ACAD9: variants seen among roughly 807,000 people sequenced by gnomAD.
ACAD9 encodes acyl-CoA dehydrogenase family member 9.
ACAD9 carries 53 observed loss-of-function variants against 70.2 expected under a neutral mutation model. The observed-to-expected ratio is 0.75, with a 90% CI of 0.61 to 0.95. The LOEUF is 0.95. Among genes scored for constraint, ACAD9 ranks in the 40% least tolerant of loss-of-function variants. The pLI is 0.00. For missense variants in ACAD9, 777 were observed against 802.8 expected (o/e 0.97, Z 0.39); for synonymous variants, 313 against 312.1 (o/e 1.00, Z -0.03).
intron 1 of ACAD9, among the ~76,000 whole-genome samples, chr3:128,882,329 T>G (rs899533295): frequency 6.6e-6 from 1 of 152,246 alleles, no homozygotes; most frequent in African/African-American, 2.4e-5. Flanking sequence ...TAATGGTGGC[T>G]CTGTTGTTCC....
At chr3:128,881,766 C>T (rs1935101785) in intron 1 of ACAD9, among the ~76,000 whole-genome samples, 2 of 152,340 alleles carry the variant, frequency 1.3e-5, no homozygotes, top group African/African-American at 4.8e-5. Context: ...TCGCCATTCT[C>T]TGAATGTTCT....
chr3:128,913,108 ACT>A lies in ACAD9; in HGVS notation c.*502_*503del, dbSNP rs922523140. On this transcript the variant is annotated 3_prime_UTR_variant, in exon 18 of 18. Transcript: ENST00000308982. The stretch of plus-strand genomic sequence containing the variant: ...GAATATAAAATGTCACAATCTGTGT[ACT>A]GTTAGCCTTTGCTGTACTTGTCACA... 6.7e-6 allele frequency: 3 copies of A among 448,932 alleles called. No homozygotes were observed. The highest frequency in any genetic ancestry group is 6.0e-5 in the African/African-American group (3 of 49,920). 27.8% of individuals were successfully genotyped at this position (448,932 alleles called of 1,614,324 possible).
chr3:128,896,296 C>A, intron 4 of ACAD9, 140 bp from the exon 5 acceptor site: 1 of 930,384 alleles, frequency 1.1e-6, no homozygotes, highest in Non-Finnish European at 1.7e-6. Flanking sequence ...CTGGGCTCTG[C>A]CTGTGGCCGC....
chr3:128,900,662 T>C (rs16852133), intron 7 of ACAD9, among the ~76,000 whole-genome samples: 7,251 of 152,178 alleles, frequency 0.048, 354 homozygotes, highest in African/African-American at 0.12. Context: ...CATACCCGAC[T>C]GACCCTAAAA....
At chr3:128,897,759 A>G in intron 6 of ACAD9, 49 bp downstream of exon 6, 2 of 1,541,994 alleles carry the variant, frequency 1.3e-6, no homozygotes, top group Admixed American at 1.8e-5. Flanking sequence ...CACAACCTTC[A>G]CTGCCACTGA....
chr3:128,887,644 A>ATATATATACATATATAT (rs1935291126), intron 2 of ACAD9, among the ~76,000 whole-genome samples: 3 of 133,106 alleles, frequency 2.3e-5, no homozygotes, highest in African/African-American at 8.7e-5. Flanking sequence ...AAAATAAATA[A>ATATATATACATATATAT]ATATATATAT....
Position 128,912,727 on chromosome 3 carries a change from C to A in ACAD9, c.*120C>A. On this transcript the variant is annotated 3_prime_UTR_variant, in exon 18 of 18. Coordinates refer to ENST00000308982, the MANE Select transcript of ACAD9 (RefSeq NM_014049.5). ...ACAGGTTAAGCCTTTTGTTCCCCGT[C>A]TGCACCTGAAGGGTTGTCGCCTGGC... The A allele has an allele frequency of 1.0e-6, 1 of 973,434 alleles. No individual in the cohort carries two copies. The highest frequency in any genetic ancestry group is 1.6e-6 in the Non-Finnish European group (1 of 607,044). 60.3% of individuals were successfully genotyped at this position (973,434 alleles called of 1,614,324 possible).
chr3:128,881,497 A>G (rs1935092867), intron 1 of ACAD9, among the ~76,000 whole-genome samples: 1 of 151,694 alleles, frequency 6.6e-6, no homozygotes, highest in South Asian at 2.1e-4. Flanking sequence ...CTCTCATTAG[A>G]CTCCAGGTCT....
chr3:128,893,497 ACTTATATTTGTAGAAACATAG>A (rs1935479916), intron 2 of ACAD9, 37 bp from the exon 3 acceptor site: 2 of 1,322,654 alleles, frequency 1.5e-6, no homozygotes, highest in Middle Eastern at 1.8e-4. Context: ...TGTCCTGTTT[ACTTATATTTGTAGAAACATAG>A]CTTATATTTG....
intron 1 of ACAD9, among the ~76,000 whole-genome samples, 169 bp from the exon 2 acceptor site, chr3:128,884,484 T>G (rs983197522): frequency 6.6e-6 from 1 of 152,208 alleles, no homozygotes; most frequent in African/African-American, 2.4e-5. Context: ...GCACATAGTT[T>G]CTGTATCTCA....
chr3:128,895,241 A>C, intron 3 of ACAD9, 69 bp from the exon 4 acceptor site: 1 of 1,209,414 alleles, frequency 8.3e-7, no homozygotes. Context: ...AGAAAAAAAA[A>C]AGCCAATGAA....
chr3:128,901,321 T>A lies in ACAD9; in HGVS notation c.854T>A (p.Ile285Asn), dbSNP rs1559826616. Residue 285 changes from isoleucine to asparagine, a missense_variant, in exon 8 of 18, where the codon ATC becomes AAC. By Grantham distance (149) the Ile-to-Asn change is moderately radical. Transcript: ENST00000308982. Reference sequence around the variant, plus strand: ...AACACCAAGATACCTGTGGAAAACATCCTTGGAGAGGTCGGAGATGGGTTT... The same window carrying A: ...AACACCAAGATACCTGTGGAAAACAACCTTGGAGAGGTCGGAGATGGGTTT... ...FENTKIPVEN[I>N]LGEVGDGFKV... The A allele has an allele frequency of 1.2e-5, 20 of 1,614,164 alleles. No individual in the cohort carries two copies. Among genetic ancestry groups the A allele is most frequent in the Non-Finnish European group, 1.6e-5 (19 of 1,179,986 alleles).
intron 17 of ACAD9, 26 bp from the exon 18 acceptor site, chr3:128,912,481 C>T: frequency 6.3e-7 from 1 of 1,594,588 alleles, no homozygotes; most frequent in East Asian, 2.2e-5. Flanking sequence ...GAAAGATCAC[C>T]CACCATCTCT....
Position 128,909,875 on chromosome 3 carries a change from C to A in ACAD9, c.1564-146C>A, listed in dbSNP as rs961933913. ...CAGAAGGTGGCTGGGAGCCGTTCTC[C>A]CACAACCTGAAGAGAAAGGTGTTAT... On this transcript the variant is annotated intron_variant, in intron 15 of 17. Transcript: ENST00000308982. The A allele has an allele frequency of 5.0e-6, 6 of 1,192,032 alleles. No individual in the cohort carries two copies. In the African/African-American group the frequency reaches 9.0e-5, roughly 18 times the overall value. 73.8% of individuals were successfully genotyped at this position (1,192,032 alleles called of 1,614,324 possible).
In ACAD9 at chr3:128,897,670, T is replaced by C; in HGVS notation, c.593T>C (p.Leu198Pro). 6.2e-7 allele frequency: 1 copy of C among 1,613,954 alleles called. No homozygotes were observed. The highest frequency in any genetic ancestry group is 8.5e-7 in the Non-Finnish European group (1 of 1,179,914). ...GCCTCAATCCGGAGCAGAGCCACACTAAGTGAAGACAAGAAGCACTACATC... is the reference window on the plus strand; with the variant it reads ...GCCTCAATCCGGAGCAGAGCCACACCAAGTGAAGACAAGAAGCACTACATC... ...DAASIRSRAT[L>P]SEDKKHYILN... Residue 198 changes from leucine to proline, a missense_variant, in exon 6 of 18, where the codon CTA becomes CCA. Leu to Pro is a moderately conservative substitution (Grantham distance 98, BLOSUM62 -3). Coordinates refer to ENST00000308982, the MANE Select transcript of ACAD9 (RefSeq NM_014049.5).
At chr3:128,905,656 A>T (rs749403531) in intron 11 of ACAD9, among the ~76,000 whole-genome samples, 2 of 152,230 alleles carry the variant, frequency 1.3e-5, no homozygotes, top group African/African-American at 4.8e-5. Flanking sequence ...GTGTTTTATC[A>T]TCTCGTTTTC....
In ACAD9 at chr3:128,902,453, G is replaced by C. The variant is rs549726650; in HGVS notation, c.883-100G>C. 6.6e-5 allele frequency: 79 copies of C among 1,192,076 alleles called. No individual in the cohort carries two copies. Among genetic ancestry groups the C allele is most frequent in the South Asian group, 4.9e-5 (4 of 82,146 alleles). 73.8% of individuals were successfully genotyped at this position (1,192,076 alleles called of 1,614,324 possible). A position where few individuals can be genotyped will look rare whatever the true frequency, so the allele number is the denominator to read the frequency against. ...GGCATTAGGATGGTGCTTTCTCCCA[G>C]CTTGAGGGAAGGCAAGCTGATCCAC... is the stretch of plus-strand genomic sequence containing the variant. On this transcript the variant is annotated intron_variant, in intron 8 of 17. Coordinates refer to ENST00000308982, the MANE Select transcript of ACAD9 (RefSeq NM_014049.5). This position sits in a 1 kb window ranked among gnomAD's most constrained non-coding sequence, Gnocchi z 4.0.
Position 128,906,257 on chromosome 3 carries a change from G to GC in ACAD9, c.1278+12dup. On this transcript the variant is annotated intron_variant, in intron 12 of 17. Transcript: ENST00000308982. Reference sequence around the variant, plus strand: ...ATCCTCCTCATCTTCGAGGTGAGTGGCCCCGCCACCAGCTAAGCTGTGCTC... The same window carrying GC: ...ATCCTCCTCATCTTCGAGGTGAGTGGCCCCCGCCACCAGCTAAGCTGTGCTC... The GC allele has an allele frequency of 6.2e-7, 1 of 1,613,192 alleles. No homozygotes were observed. Among genetic ancestry groups the GC allele is most frequent in the Non-Finnish European group, 8.5e-7 (1 of 1,179,740 alleles).
intron 4 of ACAD9, 115 bp downstream of exon 4, chr3:128,895,531 C>A: frequency 2.1e-6 from 2 of 957,032 alleles, no homozygotes; most frequent in Non-Finnish European, 3.3e-6. Flanking sequence ...TGACCTTCAG[C>A]CCTGCCCTTC....
Sources: allele counts gnomAD v4.1 joint callset (sites outside exome capture counted in the v4.1 genomes callset), GRCh38; gene constraint gnomAD v4.1.1; non-coding constraint Gnocchi (gnomAD v3.1); transcripts MANE v1.5; gene names NCBI Gene and HGNC (gene_info 2026-07-23, HGNC 2026-07-21).